Variants in MROH2A observed in about 807,000 individuals in gnomAD.
MROH2A encodes the protein maestro heat like repeat family member 2A, also known as maestro heat-like repeat-containing protein family member 2A.
In MROH2A, 174 loss-of-function variants were observed where a neutral mutation model predicts 200.4. The observed-to-expected ratio is 0.87, with a 90% CI of 0.77 to 0.98. The LOEUF is 0.98. Ranked by LOEUF, MROH2A falls within the 50% of genes least tolerant of loss-of-function variation. MROH2A has a pLI of 0.00. For missense variants in MROH2A, 2,045 were observed against 2,139.6 expected (o/e 0.96, Z 0.87); for synonymous variants, 829 against 840.4 (o/e 0.99, Z 0.23).
rs572600147 is a variant in MROH2A at position 233,813,667 on chromosome 2, C to T, written c.2652-3C>T. The T allele has an allele frequency of 1.9e-5, 29 of 1,538,258 alleles. No individual in the cohort carries two copies. The African/African-American group carries it at 3.3e-4, about 17-fold the overall frequency. Reference sequence around the variant, plus strand: ...TCCTCTCTTGTCACTGCTTCTTCTCCAGCAAGCTGAAGCCTTTCTACTCCA... The same window carrying T: ...TCCTCTCTTGTCACTGCTTCTTCTCTAGCAAGCTGAAGCCTTTCTACTCCA... On this transcript the variant is annotated splice_region_variant and splice_polypyrimidine_tract_variant and intron_variant, in intron 24 of 41. Coordinates refer to ENST00000389758, the MANE Select transcript of MROH2A (RefSeq NM_001394639.1).
chr2:233,800,899 T>C (rs1041546179), intron 14 of MROH2A, among the ~76,000 whole-genome samples: 2 of 152,160 alleles, frequency 1.3e-5, no homozygotes, highest in African/African-American at 4.8e-5. Flanking sequence ...GATTACTCAC[T>C]GAGGCTGCAG....
At chr2:233,797,613 G>A (rs1179883516) in intron 11 of MROH2A, among the ~76,000 whole-genome samples, 1 of 152,056 alleles carries the variant, frequency 6.6e-6, no homozygotes, top group African/African-American at 2.4e-5. Context: ...TGCATAAACA[G>A]GTCTGAAGGA....
intron 41 of MROH2A, 114 bp from the exon 42 acceptor site, chr2:233,833,024 C>T (rs957176824): frequency 7.0e-6 from 9 of 1,291,176 alleles, no homozygotes; most frequent in African/African-American, 4.5e-5. Flanking sequence ...GGAGTTTCCC[C>T]GTCTGCCCCT....
At chr2:233,817,006 T>G in intron 27 of MROH2A, 121 bp downstream of exon 27, 7 of 616,372 alleles carry the variant, frequency 1.1e-5, no homozygotes, top group East Asian at 3.0e-5. Context: ...GAGGGCCCCT[T>G]GGGAGAGGCT....
chr2:233,817,002 C>T, intron 27 of MROH2A, 117 bp downstream of exon 27: 1 of 653,776 alleles, frequency 1.5e-6, no homozygotes, highest in Non-Finnish European at 2.6e-6. Flanking sequence ...CCCAGAGGGC[C>T]CCTTGGGAGA....
intron 3 of MROH2A, among the ~76,000 whole-genome samples, chr2:233,788,534 G>A (rs1412799499): frequency 1.3e-5 from 2 of 152,062 alleles, no homozygotes; most frequent in Admixed American, 6.6e-5. Flanking sequence ...ATTTGCTAAG[G>A]ATTCTGGACT....
In MROH2A at chr2:233,829,816, G is replaced by A. The variant is rs183496231; in HGVS notation, c.4602+41G>A. On this transcript the variant is annotated intron_variant, in intron 38 of 41. Transcript: ENST00000389758. ...GGCTTTGTGTCCCAGTCTGGGGCCC[G>A]CTGTTCCCCGAGGAAACAGGTCCTT... 16 of 1,289,764 alleles carry A rather than the reference G, an allele frequency of 1.2e-5. No individual in the cohort carries two copies. The Admixed American group carries it at 2.9e-4, about 23-fold the overall frequency. The allele number at this position is 1,289,764 out of a possible 1,614,324, so 79.9% of individuals were successfully genotyped here.
At chr2:233,809,305 T>C in intron 22 of MROH2A, 27 bp downstream of exon 22, 2 of 1,546,716 alleles carry the variant, frequency 1.3e-6, no homozygotes, top group Non-Finnish European at 1.7e-6. Flanking sequence ...CCTGGGGGGA[T>C]GTCTTCTGGA....
rs561764871 is a variant in MROH2A, at chr2:233,806,388, G to A, written c.2053-1035G>A. Among the ~76,000 whole-genome samples the A allele has an allele frequency of 7.2e-5, 11 of 152,180 alleles. No homozygotes were observed. In the East Asian group the frequency reaches 1.5e-3, roughly 21 times the overall value. ...ACAATAATATTTACCTTATGGAGTC[G>A]TGGTGAGGATTTAATGAAATATGGA... On this transcript the variant is annotated intron_variant, in intron 19 of 41. Coordinates refer to ENST00000389758, the MANE Select transcript of MROH2A (RefSeq NM_001394639.1).
chr2:233,804,256 A>G, intron 17 of MROH2A, 64 bp downstream of exon 17: 1 of 1,533,962 alleles, frequency 6.5e-7, no homozygotes, highest in Non-Finnish European at 8.8e-7. Context: ...TGGGGTTCTA[A>G]TCACATGACT....
rs1293642521 is a variant in MROH2A, at chr2:233,828,808, C to T, written c.4263+29C>T. The T allele has an allele frequency of 6.5e-7, 1 of 1,549,154 alleles. No individual in the cohort carries two copies. The highest frequency in any genetic ancestry group is 8.7e-7 in the Non-Finnish European group (1 of 1,146,052). ...CTGTGCCTGGCCCTGGGCCCAGGTC[C>T]CGGGAGCTGAGGGTGCAGGCCGGGT... On this transcript the variant is annotated intron_variant, in intron 36 of 41. Coordinates refer to ENST00000389758, the MANE Select transcript of MROH2A (RefSeq NM_001394639.1). The surrounding 1 kb of genome is among the most constrained non-coding windows in gnomAD (Gnocchi z 4.6).
chr2:233,823,049 G>A lies in MROH2A; in HGVS notation c.4004+31G>A, dbSNP rs925725558. The A allele has an allele frequency of 2.8e-5, 43 of 1,547,536 alleles. No homozygotes were observed. The Admixed American group carries it at 6.3e-4, about 23-fold the overall frequency. ...CCCTGGCTCCCACAGGGTGGCAGGG[G>A]GACCTGCAGAGGCACCTCCTTGCTG... On this transcript the variant is annotated intron_variant, in intron 34 of 41. Transcript: ENST00000389758.
At chr2:233,826,126 T>C (rs563745736) in intron 35 of MROH2A, among the ~76,000 whole-genome samples, 7 of 152,128 alleles carry the variant, frequency 4.6e-5, no homozygotes, top group Non-Finnish European at 1.0e-4. Context: ...GGTTTCACCA[T>C]GTTGGCCAGG....
intron 6 of MROH2A, among the ~76,000 whole-genome samples, chr2:233,793,267 G>A (rs910892942): frequency 1.3e-5 from 2 of 152,200 alleles, no homozygotes; most frequent in Non-Finnish European, 2.9e-5. Context: ...GGTCTTAGAT[G>A]CTATTTCAAT....
Position 233,779,444 on chromosome 2 carries a change from A to G in MROH2A, c.86A>G (p.His29Arg), listed in dbSNP as rs940152130. Residue 29 changes from histidine to arginine, a missense_variant, in exon 2 of 42, where the codon CAT becomes CGT. Physicochemically the swap from His to Arg is conservative, Grantham distance 29. Transcript: ENST00000389758. ...GACGACCTGGGGCCTCTTGAATTAC[A>G]TGACAGTGGTAAGAATGTCATCCAC... ...ERDDLGPLEL[H>R]DSGTFQQVVN... 6.5e-7 allele frequency: 1 copy of G among 1,548,594 alleles called. No homozygotes were observed. The highest frequency in any genetic ancestry group is 1.4e-5 in the African/African-American group (1 of 73,120).
In MROH2A at chr2:233,805,059, G is replaced by C; in HGVS notation, c.2000G>C (p.Ser667Thr). ...TRGSSWSLRL[S>T]KELNNQIASF... ...GGGTCTAGCTGGAGCCTGCGCTTGA[G>C]TAAAGAGCTGAACAACCAGATTGCG... is the stretch of plus-strand genomic sequence containing the variant. The change falls in exon 19 of 42, where the codon AGT becomes ACT. Residue 667 changes from serine (S) to threonine (T), a missense_variant. Ser to Thr is a moderately conservative substitution (Grantham distance 58). This residue lies in a region of MROH2A where 1,201 missense variants were observed against 1,311.3 expected (regional missense o/e 0.92). Coordinates refer to ENST00000389758, the MANE Select transcript of MROH2A (RefSeq NM_001394639.1). 23 of 1,550,322 alleles carry C rather than the reference G, an allele frequency of 1.5e-5. No individual in the cohort carries two copies. The highest frequency in any genetic ancestry group is 1.9e-5 in the Non-Finnish European group (22 of 1,146,864).
chr2:233,815,318 C>A (rs1188743779), intron 26 of MROH2A, among the ~76,000 whole-genome samples: 1 of 152,234 alleles, frequency 6.6e-6, no homozygotes, highest in Non-Finnish European at 1.5e-5. Context: ...TACAACCCAT[C>A]AGATATGTGA....
intron 28 of MROH2A, 102 bp downstream of exon 28, chr2:233,818,227 T>C: frequency 7.1e-7 from 1 of 1,400,730 alleles, no homozygotes; most frequent in Non-Finnish European, 9.6e-7. Context: ...GGATGGCCTC[T>C]GTGCAGGCAG....
chr2:233,787,997 A>ATACATACATATATAT (rs1701434851), intron 3 of MROH2A, among the ~76,000 whole-genome samples: 3 of 18,246 alleles, frequency 1.6e-4, no homozygotes, highest in Non-Finnish European at 3.0e-4. Context: ...TACATATATT[A>ATACATACATATATAT]TATATATACA....
Sources: gnomAD v4.1 joint callset for allele counts (sites outside exome capture counted in the v4.1 genomes callset) on GRCh38, gnomAD v4.1.1 for gene constraint, gnomAD v4.1.1 regional missense constraint, Gnocchi (gnomAD v3.1) non-coding constraint, MANE v1.5 for transcripts, NCBI Gene and HGNC (gene_info 2026-07-23, HGNC 2026-07-21) for gene names.